Variants in TRAPPC9 observed in about 807,000 individuals in gnomAD.
TRAPPC9 encodes the protein IKK2 binding protein.
A neutral mutation model predicts 124.0 loss-of-function variants in TRAPPC9; 83 were observed. The ratio of observed to expected loss-of-function variants is 0.67; its 90% CI spans 0.56 to 0.80. The LOEUF (loss-of-function observed/expected upper bound fraction) is 0.80, where lower values mean the gene tolerates loss of function less well. Among genes scored for constraint, TRAPPC9 ranks in the 30% least tolerant of loss-of-function variants. TRAPPC9 has a pLI of 0.00. For synonymous variants in TRAPPC9, 638 were observed against 617.5 expected (o/e 1.03, Z -0.49); for missense variants, 1,302 against 1,508.3 (o/e 0.86, Z 2.27).
intron 19 of TRAPPC9, chr8:139,932,759 G>T: frequency 2.9e-6 from 1 of 342,800 alleles, no homozygotes; most frequent in Non-Finnish European, 5.8e-6. Flanking sequence ...ATGAGACTGT[G>T]TCTTCAAAAA....
At chr8:140,429,552 A>T (rs962217505) in intron 4 of TRAPPC9, among the ~76,000 whole-genome samples, 4 of 152,214 alleles carry the variant, frequency 2.6e-5, no homozygotes, top group Admixed American at 2.6e-4. Flanking sequence ...ATTGGTGTAT[A>T]TAAAATGTGT....
In TRAPPC9 at chr8:139,831,452, C is replaced by T. The variant is rs141784358; in HGVS notation, c.3055+54427G>A. On this transcript the variant is annotated intron_variant, in intron 21 of 22. Transcript: ENST00000438773. ...CCACGCACTCACATGCATGCAAGCA[C>T]GCACACTAACACACACACGCTCAGT... Among the ~76,000 whole-genome samples the T allele has an allele frequency of 3.5e-3, 529 of 152,308 alleles. 1 individual carries two copies. Among genetic ancestry groups the T allele is most frequent in the African/African-American group, 0.012 (481 of 41,560 alleles).
chr8:140,181,015 C>G (rs562053428), intron 17 of TRAPPC9, among the ~76,000 whole-genome samples: 3 of 152,184 alleles, frequency 2.0e-5, no homozygotes, highest in African/African-American at 7.2e-5. Context: ...GTTGCCATCT[C>G]TTTGAATATT....
chr8:139,786,340 T>C (rs1158025084), intron 21 of TRAPPC9, among the ~76,000 whole-genome samples: 2 of 151,836 alleles, frequency 1.3e-5, no homozygotes, highest in Non-Finnish European at 2.9e-5. Context: ...GAGATGCAAA[T>C]CAAAACCACA....
In TRAPPC9 at chr8:139,902,823, G is replaced by A. The variant is rs547024181; in HGVS notation, c.2964+7324C>T. ...GTCCTGAAAGGGAGGATAGCTCAGC[G>A]GAAGGCAACTCCTCCTTACTGGAAA... On this transcript the variant is annotated intron_variant, in intron 20 of 22. Transcript: ENST00000438773. Among the ~76,000 whole-genome samples, 27 of 152,270 alleles carry A rather than the reference G, an allele frequency of 1.8e-4. No homozygotes were observed. In the South Asian group the frequency reaches 4.8e-3, roughly 27 times the overall value.
intron 21 of TRAPPC9, among the ~76,000 whole-genome samples, chr8:139,850,439 C>A (rs1827370291): frequency 6.6e-6 from 1 of 152,216 alleles, no homozygotes; most frequent in African/African-American, 2.4e-5. Flanking sequence ...GGCTCTCTTG[C>A]CATTGCAATC....
chr8:140,299,187 G>A (rs2065895176), intron 11 of TRAPPC9, among the ~76,000 whole-genome samples: 1 of 152,198 alleles, frequency 6.6e-6, no homozygotes, highest in Admixed American at 6.5e-5. Context: ...CCAAAGCCCT[G>A]GGCTTGGAAC....
At chr8:140,011,918 T>A (rs1388400865) in intron 18 of TRAPPC9, among the ~76,000 whole-genome samples, 2 of 152,096 alleles carry the variant, frequency 1.3e-5, no homozygotes, top group East Asian at 3.9e-4. Flanking sequence ...CCTCAGGTGA[T>A]CCTCCTGCCT....
rs2061213671 is a variant in TRAPPC9, at chr8:140,131,810, TC to T, written c.2556+89648del. ...CACATTCAGTAACATCTCACCGACTTCAAGGTTTAGCAAAAAGTCCACCAAA... is the reference window on the plus strand; with the variant it reads ...CACATTCAGTAACATCTCACCGACTTAAGGTTTAGCAAAAAGTCCACCAAA... On this transcript the variant is annotated intron_variant, in intron 17 of 22. Coordinates refer to ENST00000438773, the MANE Select transcript of TRAPPC9 (RefSeq NM_001160372.4). 2.6e-5 allele frequency among the ~76,000 whole-genome samples: 4 copies of T among 152,286 alleles called. No homozygotes were observed. The South Asian group carries it at 8.3e-4, about 32-fold the overall frequency.
intron 2 of TRAPPC9, among the ~76,000 whole-genome samples, chr8:140,448,018 G>A (rs760901832): frequency 2.6e-5 from 4 of 151,878 alleles, no homozygotes; most frequent in Admixed American, 6.6e-5. Flanking sequence ...GGTGGCGCAC[G>A]CCTGTAATCC....
At chr8:139,734,675 C>A (rs186063597) in intron 21 of TRAPPC9, among the ~76,000 whole-genome samples, 3 of 152,330 alleles carry the variant, frequency 2.0e-5, no homozygotes, top group East Asian at 3.9e-4. Context: ...GGCTGCTGGC[C>A]CTTGCAGCCA....
At chr8:139,864,727 G>A (rs530068994) in intron 21 of TRAPPC9, among the ~76,000 whole-genome samples, 2 of 152,294 alleles carry the variant, frequency 1.3e-5, no homozygotes, top group African/African-American at 2.4e-5. Flanking sequence ...GGGCACTACC[G>A]CCCTTCCCAG....
chr8:140,160,490 T>C (rs942729026), intron 17 of TRAPPC9, among the ~76,000 whole-genome samples: 14 of 152,150 alleles, frequency 9.2e-5, no homozygotes, highest in Admixed American at 5.2e-4. Flanking sequence ...TTCAAGTCCT[T>C]TGTAGGGACA....
At chr8:139,752,214 T>C (rs1197385773) in intron 21 of TRAPPC9, among the ~76,000 whole-genome samples, 3 of 149,978 alleles carry the variant, frequency 2.0e-5, no homozygotes, top group Non-Finnish European at 4.4e-5. Context: ...CTACCATCCA[T>C]CCATCCATCC....
At chr8:139,755,515 G>A (rs1425388549) in intron 21 of TRAPPC9, among the ~76,000 whole-genome samples, 1 of 145,514 alleles carries the variant, frequency 6.9e-6, no homozygotes, top group Non-Finnish European at 1.5e-5. Context: ...AGGACAGCAG[G>A]TCGCAGGAGG....
chr8:140,434,380 TCA>T (rs1491390626), intron 4 of TRAPPC9, among the ~76,000 whole-genome samples: 1 of 152,228 alleles, frequency 6.6e-6, no homozygotes, highest in Non-Finnish European at 1.5e-5. Context: ...AGAAGTTTTC[TCA>T]CTCTTCATTG....
chr8:140,000,877 A>G (rs140245504), intron 18 of TRAPPC9, among the ~76,000 whole-genome samples: 130 of 152,370 alleles, frequency 8.5e-4, no homozygotes, highest in African/African-American at 3.0e-3. Context: ...CGATCCCATT[A>G]CTGGGTATAT....
intron 17 of TRAPPC9, among the ~76,000 whole-genome samples, chr8:140,159,143 C>A (rs1287149093): frequency 6.6e-6 from 1 of 152,212 alleles, no homozygotes; most frequent in Non-Finnish European, 1.5e-5. Context: ...CCCCGCCCGC[C>A]GCCGCCAAGC....
chr8:140,307,777 G>C (rs2066177851), intron 10 of TRAPPC9, among the ~76,000 whole-genome samples: 2 of 152,208 alleles, frequency 1.3e-5, no homozygotes, highest in Non-Finnish European at 2.9e-5. Flanking sequence ...TTAAGCAAAA[G>C]ATAGACATCT....
Sources: gnomAD v4.1 joint callset for allele counts (sites outside exome capture counted in the v4.1 genomes callset) on GRCh38, gnomAD v4.1.1 for gene constraint, MANE v1.5 for transcripts, NCBI Gene and HGNC (gene_info 2026-07-23, HGNC 2026-07-21) for gene names.